Variants in FRMD3 observed in about 807,000 individuals in gnomAD.
FRMD3 encodes the protein FERM domain-containing protein 3.
A neutral mutation model predicts 70.2 loss-of-function variants in FRMD3; 33 were observed. That is an observed-to-expected ratio of 0.47 (90% CI 0.36 to 0.63). The LOEUF (loss-of-function observed/expected upper bound fraction) is 0.63, where lower values mean the gene tolerates loss of function less well. FRMD3 is among the 20% of genes least tolerant of loss of function. The probability of loss-of-function intolerance (pLI) is 0.00; values close to 1 mark genes in which losing one functional copy is unlikely to be tolerated. For missense variants in FRMD3, 632 were observed against 711.4 expected (o/e 0.89, Z 1.27); for synonymous variants, 279 against 255.9 (o/e 1.09, Z -0.86).
the FRMD3 span, among the ~76,000 whole-genome samples, chr9:83,547,780 T>C: frequency 6.6e-6 from 1 of 152,188 alleles, no homozygotes; most frequent in South Asian, 2.1e-4. Flanking sequence ...AAATAGACCA[T>C]ACTTTAAGCA....
chr9:83,261,533 T>C (rs1832995381), intron 13 of FRMD3, among the ~76,000 whole-genome samples: 1 of 152,164 alleles, frequency 6.6e-6, no homozygotes, highest in Non-Finnish European at 1.5e-5. Context: ...GATTCTAAGC[T>C]ACCTCTGTCT....
intron 2 of FRMD3, among the ~76,000 whole-genome samples, chr9:83,376,789 A>G (rs1470761290): frequency 1.3e-5 from 2 of 151,980 alleles, no homozygotes; most frequent in African/African-American, 4.8e-5. Context: ...TCAAATATGT[A>G]TATTTGATAA....
chr9:83,560,440 C>T, the FRMD3 span, among the ~76,000 whole-genome samples: 1 of 152,364 alleles, frequency 6.6e-6, no homozygotes, highest in African/African-American at 2.4e-5. Context: ...GCCAAACTAA[C>T]ACCCTGGCAT....
At chr9:83,398,984 A>C (rs559411895) in intron 1 of FRMD3, among the ~76,000 whole-genome samples, 1 of 152,340 alleles carries the variant, frequency 6.6e-6, no homozygotes, top group East Asian at 1.9e-4. Flanking sequence ...CCAATGGTAG[A>C]GAATGAAAAC....
chr9:83,483,670 G>A (rs182724987), intron 1 of FRMD3, among the ~76,000 whole-genome samples: 5 of 152,216 alleles, frequency 3.3e-5, no homozygotes, highest in African/African-American at 7.2e-5. Context: ...ACCAGCCTGC[G>A]CAACATACTG....
intron 5 of FRMD3, among the ~76,000 whole-genome samples, chr9:83,341,146 G>A (rs72498524): frequency 3.9e-5 from 6 of 152,224 alleles, no homozygotes; most frequent in Admixed American, 3.3e-4. Context: ...CAGTGCTGCC[G>A]AAGTACTCAC....
intron 3 of FRMD3, among the ~76,000 whole-genome samples, chr9:83,367,134 T>C (rs1199459036): frequency 2.0e-5 from 3 of 152,110 alleles, no homozygotes; most frequent in Admixed American, 2.0e-4. Flanking sequence ...CATTCAAAAA[T>C]ATGCAATTCA....
chr9:83,583,965 T>C, the FRMD3 span, among the ~76,000 whole-genome samples: 2 of 152,302 alleles, frequency 1.3e-5, no homozygotes, highest in Middle Eastern at 6.8e-3. Flanking sequence ...TCTCTGGCCT[T>C]GCCTCTTCAG....
intron 1 of FRMD3, among the ~76,000 whole-genome samples, chr9:83,524,614 A>G (rs1470961337): frequency 6.6e-6 from 1 of 152,210 alleles, no homozygotes; most frequent in Non-Finnish European, 1.5e-5. Flanking sequence ...AAACAAAATA[A>G]TGGTGGTATT....
intron 13 of FRMD3, among the ~76,000 whole-genome samples, chr9:83,257,933 A>G (rs982323989): frequency 2.0e-5 from 3 of 152,248 alleles, no homozygotes; most frequent in African/African-American, 7.2e-5. Flanking sequence ...CAATAATGTT[A>G]ACTAATATTA....
intron 2 of FRMD3, 49 bp from the exon 3 acceptor site, chr9:83,373,004 C>G: frequency 6.7e-7 from 1 of 1,487,204 alleles, no homozygotes; most frequent in South Asian, 1.1e-5. Flanking sequence ...AATTGCTGGA[C>G]CATACAACGA....
At chr9:83,370,477 T>G (rs1309990991) in intron 3 of FRMD3, among the ~76,000 whole-genome samples, 1 of 152,220 alleles carries the variant, frequency 6.6e-6, no homozygotes, top group Non-Finnish European at 1.5e-5. Flanking sequence ...ACCCTTGCAG[T>G]CCTAGAATCA....
At chr9:83,515,249 G>C (rs1336154509) in intron 1 of FRMD3, among the ~76,000 whole-genome samples, 1 of 152,168 alleles carries the variant, frequency 6.6e-6, no homozygotes, top group African/African-American at 2.4e-5. Flanking sequence ...TTGCTAACTA[G>C]AATAACAAGT....
At chr9:83,500,469 T>A (rs1253845533) in intron 1 of FRMD3, among the ~76,000 whole-genome samples, 1 of 151,106 alleles carries the variant, frequency 6.6e-6, no homozygotes, top group Non-Finnish European at 1.5e-5. Flanking sequence ...TTCAGGGCTA[T>A]AAGCCTGCAT....
At chr9:83,470,988 A>G (rs1419099045) in intron 1 of FRMD3, among the ~76,000 whole-genome samples, 1 of 152,256 alleles carries the variant, frequency 6.6e-6, no homozygotes, top group African/African-American at 2.4e-5. Context: ...CATAGAAGCA[A>G]ACAGCAGTAG....
chr9:83,455,148 C>G (rs1292380409), intron 1 of FRMD3, among the ~76,000 whole-genome samples: 1 of 152,192 alleles, frequency 6.6e-6, no homozygotes, highest in African/African-American at 2.4e-5. Context: ...GTACCCATCC[C>G]TCTTGAATTC....
chr9:83,523,013 T>C (rs1219142641), intron 1 of FRMD3, among the ~76,000 whole-genome samples: 1 of 152,218 alleles, frequency 6.6e-6, no homozygotes, highest in Non-Finnish European at 1.5e-5. Context: ...AATAGTGCTA[T>C]GCTGAATCTG....
intron 13 of FRMD3, among the ~76,000 whole-genome samples, chr9:83,269,570 G>A (rs760509858): frequency 7.2e-5 from 11 of 152,146 alleles, no homozygotes; most frequent in East Asian, 1.9e-4. Context: ...TTAGCCAGGC[G>A]TGGTGGCGGG....
At chr9:83,376,157 T>C (rs1032369645) in intron 2 of FRMD3, among the ~76,000 whole-genome samples, 1 of 125,382 alleles carries the variant, frequency 8.0e-6, no homozygotes, top group African/African-American at 3.0e-5. Flanking sequence ...CAAGATTCTG[T>C]TTAAAAAAAA....
Sources: gnomAD v4.1 joint callset for allele counts (sites outside exome capture counted in the v4.1 genomes callset) on GRCh38, gnomAD v4.1.1 for gene constraint, MANE v1.5 for transcripts, NCBI Gene and HGNC (gene_info 2026-07-23, HGNC 2026-07-21) for gene names.